Variants in DGKI observed in about 807,000 individuals in gnomAD.
The protein encoded by DGKI is DAG kinase iota.
DGKI carries 55 observed loss-of-function variants against 147.5 expected under a neutral mutation model. The observed-to-expected ratio is 0.37, with a 90% CI of 0.30 to 0.47. The LOEUF is 0.47. Ranked by LOEUF, DGKI falls within the 20% of genes least tolerant of loss-of-function variation. The pLI, the probability that DGKI is intolerant of heterozygous loss-of-function variation, is 1.00. For synonymous variants in DGKI, 469 were observed against 477.1 expected (o/e 0.98, Z 0.22); for missense variants, 1,007 against 1,323.8 (o/e 0.76, Z 3.71).
intron 21 of DGKI, among the ~76,000 whole-genome samples, chr7:137,491,910 A>G (rs1011090724): frequency 2.6e-5 from 4 of 152,238 alleles, no homozygotes; most frequent in African/African-American, 9.6e-5. Flanking sequence ...CTGTTGGGGC[A>G]GGAATTCTAA....
At chr7:137,505,688 C>T (rs10480524) in intron 21 of DGKI, among the ~76,000 whole-genome samples, 19,223 of 107,954 alleles carry the variant, frequency 0.18, 2,874 homozygotes, top group African/African-American at 0.43. Context: ...TAGGAGCCTA[C>T]AACAAAGAAT....
At chr7:137,526,751 T>C (rs563525932) in intron 20 of DGKI, among the ~76,000 whole-genome samples, 79 of 152,268 alleles carry the variant, frequency 5.2e-4, no homozygotes, top group African/African-American at 1.8e-3. Context: ...TAGCTTCTTT[T>C]TCAATTGTTC....
chr7:137,806,483 A>G (rs957179675), intron 1 of DGKI, among the ~76,000 whole-genome samples: 14 of 151,866 alleles, frequency 9.2e-5, no homozygotes, highest in Non-Finnish European at 1.0e-4. Flanking sequence ...ACCCAGGCTG[A>G]AGTGCAGTGG....
intron 6 of DGKI, among the ~76,000 whole-genome samples, chr7:137,628,191 G>A (rs895013578): frequency 6.6e-6 from 1 of 152,118 alleles, no homozygotes; most frequent in Non-Finnish European, 1.5e-5. Flanking sequence ...TTAGCCCTCT[G>A]GTTTTTGGGA....
chr7:137,787,511 T>G (rs185653747), intron 1 of DGKI, among the ~76,000 whole-genome samples: 1 of 152,096 alleles, frequency 6.6e-6, no homozygotes, highest in Non-Finnish European at 1.5e-5. Context: ...ACACTGTTGG[T>G]GGAATGTAAA....
chr7:137,685,552 T>C (rs565109871), intron 2 of DGKI, among the ~76,000 whole-genome samples: 1 of 152,320 alleles, frequency 6.6e-6, no homozygotes, highest in South Asian at 2.1e-4. Flanking sequence ...TGCTTCTAAA[T>C]GGACTAATTC....
intron 27 of DGKI, among the ~76,000 whole-genome samples, chr7:137,458,836 T>C (rs1473236675): frequency 1.3e-5 from 2 of 152,176 alleles, no homozygotes; most frequent in Non-Finnish European, 2.9e-5. Flanking sequence ...GCAAATACAT[T>C]TCCAGAATCA....
At chr7:137,509,853 G>C (rs541854251) in intron 21 of DGKI, among the ~76,000 whole-genome samples, 6 of 152,250 alleles carry the variant, frequency 3.9e-5, no homozygotes, top group African/African-American at 1.2e-4. Flanking sequence ...AACCCCTCAG[G>C]AGTTAGTAAC....
intron 21 of DGKI, among the ~76,000 whole-genome samples, chr7:137,513,109 T>C (rs1304415036): frequency 6.6e-6 from 1 of 152,178 alleles, no homozygotes. Context: ...ACTGATACTA[T>C]CCATTTCCAA....
At chr7:137,431,131 C>T (rs1459885006) in intron 28 of DGKI, among the ~76,000 whole-genome samples, 1 of 151,906 alleles carries the variant, frequency 6.6e-6, no homozygotes, top group Non-Finnish European at 1.5e-5. Context: ...GGAAAAAGCC[C>T]ACAGGATAGC....
At chr7:137,767,834 A>G (rs61190658) in intron 1 of DGKI, among the ~76,000 whole-genome samples, 14,485 of 152,210 alleles carry the variant, frequency 0.095, 1,841 homozygotes, top group African/African-American at 0.29. Context: ...TGGTTGCTAT[A>G]AAGATTAGTT....
chr7:137,638,503 T>TCACAC (rs1491221018), intron 6 of DGKI, among the ~76,000 whole-genome samples: 1 of 116,714 alleles, frequency 8.6e-6, no homozygotes. Context: ...CATATATATG[T>TCACAC]ATATATATGT....
chr7:137,636,686 C>T (rs1821323131), intron 6 of DGKI, among the ~76,000 whole-genome samples: 1 of 152,202 alleles, frequency 6.6e-6, no homozygotes. Context: ...GAATCTCCTG[C>T]TGAAATTTGA....
intron 19 of DGKI, among the ~76,000 whole-genome samples, chr7:137,557,850 G>A (rs1585229073): frequency 6.6e-6 from 1 of 152,170 alleles, no homozygotes; most frequent in African/African-American, 2.4e-5. Flanking sequence ...CCTCTCAGGT[G>A]GCCACTTCTC....
intron 1 of DGKI, among the ~76,000 whole-genome samples, chr7:137,803,411 AT>A (rs370973662): frequency 1.1e-4 from 17 of 152,368 alleles, no homozygotes; most frequent in African/African-American, 4.1e-4. Context: ...TGATTCTGAT[AT>A]AGGAAACATG....
At chr7:137,561,136 T>G (rs1429626926) in intron 19 of DGKI, among the ~76,000 whole-genome samples, 1 of 152,100 alleles carries the variant, frequency 6.6e-6, no homozygotes. Context: ...CCATGTTTAT[T>G]GCAGCACTGC....
intron 1 of DGKI, among the ~76,000 whole-genome samples, chr7:137,708,621 T>C (rs1794119049): frequency 6.6e-6 from 1 of 152,374 alleles, no homozygotes; most frequent in African/African-American, 2.4e-5. Flanking sequence ...TTCTACTATG[T>C]TCTAGGCTCA....
At chr7:137,702,504 T>A (rs567296318) in intron 1 of DGKI, among the ~76,000 whole-genome samples, 110 of 152,328 alleles carry the variant, frequency 7.2e-4, no homozygotes, top group Non-Finnish European at 1.2e-3. Flanking sequence ...CTCTTGAGAT[T>A]ATTTTTCAAG....
At chr7:137,705,151 C>T (rs1368361207) in intron 1 of DGKI, among the ~76,000 whole-genome samples, 1 of 151,962 alleles carries the variant, frequency 6.6e-6, no homozygotes, top group Non-Finnish European at 1.5e-5. Flanking sequence ...TATATTGTTG[C>T]TGGAAGAATA....
Sources: allele counts gnomAD v4.1 joint callset (sites outside exome capture counted in the v4.1 genomes callset), GRCh38; gene constraint gnomAD v4.1.1; transcripts MANE v1.5; gene names NCBI Gene and HGNC (gene_info 2026-07-23, HGNC 2026-07-21).